The following ARFGAP3 variants were observed in gnomAD, a reference collection of about 807,000 sequenced individuals.
ARFGAP3 encodes the protein ARF GTPase activating protein 3, also known as ADP-ribosylation factor GTPase-activating protein 3.
A neutral mutation model predicts 75.0 loss-of-function variants in ARFGAP3; 72 were observed. The ratio of observed to expected loss-of-function variants is 0.96; its 90% CI spans 0.79 to 1.17. The LOEUF (loss-of-function observed/expected upper bound fraction) is 1.17, where lower values mean the gene tolerates loss of function less well. Ranked by LOEUF, ARFGAP3 falls within the 50% of genes most tolerant of loss-of-function variation. The pLI, the probability that ARFGAP3 is intolerant of heterozygous loss-of-function variation, is 0.00. For synonymous variants in ARFGAP3, 221 were observed against 217.9 expected, an observed-to-expected ratio of 1.01 and a Z score of -0.13; for missense variants, 620 against 626.6, an observed-to-expected ratio of 0.99 and a Z score of 0.11.
chr22:42,849,085 CGAG>C (rs1034756303), intron 1 of ARFGAP3, among the ~76,000 whole-genome samples: 17 of 152,084 alleles, frequency 1.1e-4, no homozygotes, highest in South Asian at 2.1e-4. Flanking sequence ...CAACTGCCAG[CGAG>C]GAGAGGAGGC....
At chr22:42,818,595 G>C (rs1202063659) in intron 9 of ARFGAP3, among the ~76,000 whole-genome samples, 1 of 152,002 alleles carries the variant, frequency 6.6e-6, no homozygotes, top group Non-Finnish European at 1.5e-5. Context: ...AGAAAACTAT[G>C]CCTATATAGC....
chr22:42,808,047 G>A (rs1925204887), intron 13 of ARFGAP3, among the ~76,000 whole-genome samples: 1 of 151,704 alleles, frequency 6.6e-6, no homozygotes, highest in African/African-American at 2.4e-5. Flanking sequence ...GCCTGGCCAA[G>A]TTCATTAACA....
At chr22:42,813,775 G>C (rs1250856384) in intron 11 of ARFGAP3, among the ~76,000 whole-genome samples, 3 of 152,222 alleles carry the variant, frequency 2.0e-5, no homozygotes, top group Admixed American at 2.0e-4. Flanking sequence ...CAGGACTCCA[G>C]CTGACCTTTG....
At position 42,822,394 on chromosome 22, in the gene ARFGAP3, CT is replaced by C. The variant is rs754931118; in HGVS notation, c.687del (p.Gly230GlufsTer26). On this transcript the variant is annotated frameshift_variant, in exon 9 of 16. Transcript: ENST00000263245. LOFTEE classifies it high-confidence loss of function. ...GCCAGTTTCTGAGCTCCCAAACTTC[CT>C]TTTTTGGCCCCAAGCTAGAACATAT... is the stretch of plus-strand genomic sequence containing the variant. The part of the protein sequence containing the change: ...NQAKKGLGAK[K>X]GSLGAQKLAN... 1 of 1,613,958 alleles carries C rather than the reference CT, an allele frequency of 6.2e-7. No homozygotes were observed. Among genetic ancestry groups the C allele is most frequent in the Non-Finnish European group, 8.5e-7 (1 of 1,179,974 alleles).
chr22:42,805,350 C>T (rs749934599), intron 14 of ARFGAP3, among the ~76,000 whole-genome samples: 1 of 152,160 alleles, frequency 6.6e-6, no homozygotes, highest in African/African-American at 2.4e-5. Flanking sequence ...CAGAGTAAAA[C>T]TTCTATTGAT....
At chr22:42,822,491 A>G in intron 8 of ARFGAP3, 82 bp from the exon 9 acceptor site, 1 of 1,523,828 alleles carries the variant, frequency 6.6e-7, no homozygotes, top group Admixed American at 2.0e-5. Flanking sequence ...AAGGGTTAGG[A>G]CCTGCCAGGC....
chr22:42,834,381 T>C (rs1926431038), intron 4 of ARFGAP3, 56 bp from the exon 5 acceptor site: 7 of 1,585,858 alleles, frequency 4.4e-6, no homozygotes, highest in Non-Finnish European at 6.0e-6. Context: ...TAAAGGATTT[T>C]ATTTGATACC....
At position 42,834,197 on chromosome 22, in the gene ARFGAP3, G is replaced by C. The variant is rs968847651; in HGVS notation, c.477+45C>G. ...TTTAAATATGCACCTTTTGTTAACT[G>C]TCAGAGTAAGCACACTTTAAAATGA... On this transcript the variant is annotated intron_variant, in intron 5 of 15. Transcript: ENST00000263245. The C allele has an allele frequency of 2.6e-6, 4 of 1,556,078 alleles. No homozygotes were observed. The African/African-American group carries it at 5.5e-5, about 21-fold the overall frequency.
intron 10 of ARFGAP3, 64 bp from the exon 11 acceptor site, chr22:42,817,328 C>G: frequency 6.6e-7 from 1 of 1,525,100 alleles, no homozygotes; most frequent in South Asian, 1.3e-5. Flanking sequence ...CCAAAATAAA[C>G]AAAGCTTTAA....
chr22:42,797,703 C>A, intron 15 of ARFGAP3, 98 bp from the exon 16 acceptor site: 1 of 1,611,676 alleles, frequency 6.2e-7, no homozygotes, highest in South Asian at 1.1e-5. Flanking sequence ...GACACTGCAG[C>A]CCATGTCAGG....
intron 1 of ARFGAP3, among the ~76,000 whole-genome samples, chr22:42,851,096 A>C (rs950561783): frequency 2.0e-5 from 3 of 152,354 alleles, no homozygotes; most frequent in Non-Finnish European, 4.4e-5. Context: ...TAGTTACTCA[A>C]CTACCAGTTG....
chr22:42,833,265 G>T (rs1602117386), intron 5 of ARFGAP3, among the ~76,000 whole-genome samples: 1 of 152,244 alleles, frequency 6.6e-6, no homozygotes, highest in Middle Eastern at 3.4e-3. Context: ...CAAAACTGGG[G>T]CACTGAGAAT....
Position 42,810,922 on chromosome 22 carries a change from A to T in ARFGAP3, c.1087T>A (p.Leu363Ile), listed in dbSNP as rs369512808. Residue 363 changes from leucine to isoleucine, a missense_variant, in exon 12 of 16, where the codon TTA (leucine) becomes ATA (isoleucine). Physicochemically the swap from Leu to Ile is conservative, Grantham distance 5. Transcript: ENST00000263245. ...SSSYFDEPVE[L>I]RSSSFSSWDD... The stretch of plus-strand genomic sequence containing the variant: ...CAGCTAGAGAAAGAACTGCTCCTTA[A>T]CTCCACTGGCTCGTCAAAGTAACTG... 4 of 1,613,948 alleles carry T rather than the reference A, an allele frequency of 2.5e-6. No individual in the cohort carries two copies. Among genetic ancestry groups the T allele is most frequent in the Non-Finnish European group, 3.4e-6 (4 of 1,180,014 alleles).
intron 11 of ARFGAP3, 177 bp from the exon 12 acceptor site, chr22:42,811,121 G>A (rs915136512): frequency 1.6e-5 from 9 of 578,818 alleles, no homozygotes; most frequent in Non-Finnish European, 1.7e-5. Context: ...GGCCTTTCAA[G>A]TACCTGTGTT....
At chr22:42,827,237 T>C (rs918882992) in intron 6 of ARFGAP3, 30 of 265,576 alleles carry the variant, frequency 1.1e-4, no homozygotes, top group African/African-American at 7.0e-4. Flanking sequence ...AGTGGTCTCT[T>C]CAACTAATAC....
At chr22:42,819,234 G>A (rs1451446872) in intron 9 of ARFGAP3, among the ~76,000 whole-genome samples, 1 of 152,166 alleles carries the variant, frequency 6.6e-6, no homozygotes, top group Non-Finnish European at 1.5e-5. Flanking sequence ...TACAGAACAG[G>A]TTATGGCTAT....
intron 9 of ARFGAP3, among the ~76,000 whole-genome samples, chr22:42,821,340 C>G (rs1285164680): frequency 6.6e-6 from 1 of 152,236 alleles, no homozygotes; most frequent in African/African-American, 2.4e-5. Flanking sequence ...AGAACACTTT[C>G]AGCAGTCCAA....
At chr22:42,844,700 C>A (rs1056366872) in intron 2 of ARFGAP3, among the ~76,000 whole-genome samples, 1 of 152,026 alleles carries the variant, frequency 6.6e-6, no homozygotes, top group African/African-American at 2.4e-5. Flanking sequence ...TATGTCCGGC[C>A]CCTCAGTTTT....
chr22:42,810,469 T>C (rs1313437555), intron 12 of ARFGAP3, among the ~76,000 whole-genome samples: 5 of 152,064 alleles, frequency 3.3e-5, no homozygotes, highest in East Asian at 3.9e-4. Flanking sequence ...GTCTCAAAAA[T>C]AAAACAAAAC....
Sources: gnomAD v4.1 joint callset for allele counts (sites outside exome capture counted in the v4.1 genomes callset) on GRCh38, gnomAD v4.1.1 for gene constraint, MANE v1.5 for transcripts, NCBI Gene and HGNC (gene_info 2026-07-23, HGNC 2026-07-21) for gene names.